SH3GL2: variants seen among roughly 807,000 people sequenced by gnomAD.
SH3GL2 encodes the protein SH3 domain containing GRB2 like 2, endophilin A1.
A neutral mutation model predicts 46.0 loss-of-function variants in SH3GL2; 24 were observed. That is an observed-to-expected ratio of 0.52 (90% CI 0.38 to 0.73). The LOEUF is 0.73. SH3GL2 is among the 30% of genes least tolerant of loss of function. The pLI is 0.00. For synonymous variants in SH3GL2, 196 were observed against 147.1 expected, an observed-to-expected ratio of 1.33 and a Z score of -2.40; for missense variants, 413 against 424.2, an observed-to-expected ratio of 0.97 and a Z score of 0.23.
intron 2 of SH3GL2, among the ~76,000 whole-genome samples, chr9:17,749,214 A>G (rs1822777018): frequency 6.6e-6 from 1 of 152,182 alleles, no homozygotes; most frequent in Admixed American, 6.5e-5. Flanking sequence ...TCCTCAACCA[A>G]AGCTGGTAGC....
At chr9:17,756,028 T>C (rs191089192) in intron 2 of SH3GL2, among the ~76,000 whole-genome samples, 1 of 152,104 alleles carries the variant, frequency 6.6e-6, no homozygotes, top group East Asian at 1.9e-4. Context: ...GTGCTTTAGG[T>C]TTTTGGGGCC....
At chr9:17,759,827 A>G (rs899430632) in intron 2 of SH3GL2, among the ~76,000 whole-genome samples, 8 of 152,198 alleles carry the variant, frequency 5.3e-5, no homozygotes, top group Non-Finnish European at 8.8e-5. Context: ...TCTCATCATA[A>G]CTACAGGATA....
At chr9:17,736,351 C>T (rs2118457245) in intron 1 of SH3GL2, among the ~76,000 whole-genome samples, 1 of 152,090 alleles carries the variant, frequency 6.6e-6, no homozygotes, top group South Asian at 2.1e-4. Context: ...TATTTTTGGT[C>T]CTAATTTGTC....
intron 1 of SH3GL2, among the ~76,000 whole-genome samples, chr9:17,716,248 C>T (rs1210915060): frequency 6.6e-6 from 1 of 152,006 alleles, no homozygotes; most frequent in Non-Finnish European, 1.5e-5. Flanking sequence ...GCCTAATAAT[C>T]TTTAGTTGTA....
At chr9:17,607,401 A>G (rs914527901) in intron 1 of SH3GL2, among the ~76,000 whole-genome samples, 8 of 152,234 alleles carry the variant, frequency 5.3e-5, no homozygotes, top group African/African-American at 1.9e-4. Flanking sequence ...ATAACTGTAC[A>G]GGGCACTTTC....
intron 1 of SH3GL2, among the ~76,000 whole-genome samples, chr9:17,739,737 G>C (rs1588290307): frequency 6.6e-6 from 1 of 152,158 alleles, no homozygotes; most frequent in South Asian, 2.1e-4. Flanking sequence ...TTCCAGGAAG[G>C]AGCTGAAAGC....
At position 17,628,413 on chromosome 9, in the gene SH3GL2, T is replaced by TGTGG. The variant is rs1819336841; in HGVS notation, c.45+49129_45+49130insGGTG. Among the ~76,000 whole-genome samples the TGTGG allele has an allele frequency of 2.6e-4, 6 of 23,450 alleles. No homozygotes were observed. In the South Asian group the frequency reaches 0.01, roughly 41 times the overall value. 15.4% of individuals were successfully genotyped at this position (23,450 alleles called of 152,430 possible). A position where few individuals can be genotyped will look rare whatever the true frequency, so the allele number is the denominator to read the frequency against. Reference sequence around the variant, plus strand: ...GATGCCCAGATAACTATATCTTGGGTGTGTGTGTGTGTGTGTGTGTGTGTG... The same window carrying TGTGG: ...GATGCCCAGATAACTATATCTTGGGTGTGGGTGTGTGTGTGTGTGTGTGTGTGTG... On this transcript the variant is annotated intron_variant, in intron 1 of 8. Transcript: ENST00000380607.
At position 17,765,169 on chromosome 9, in the gene SH3GL2, G is replaced by T. The variant is rs1282713006; in HGVS notation, c.187+3660G>T. ...GTACATGGACAGGCCAGGGCAATCA[G>T]TAGGATTTGATGCTTCGAGGGTACT... On this transcript the variant is annotated intron_variant, in intron 3 of 8. Transcript: ENST00000380607. Among the ~76,000 whole-genome samples, 7 of 68,622 alleles carry T rather than the reference G, an allele frequency of 1.0e-4. 1 individual carries two copies. In the Admixed American group the frequency reaches 1.0e-3, roughly 10 times the overall value. The allele number at this position is 68,622 out of a possible 152,430, so 45.0% of individuals were successfully genotyped here.
intron 1 of SH3GL2, among the ~76,000 whole-genome samples, chr9:17,584,096 A>T (rs1413903414): frequency 6.6e-6 from 1 of 152,154 alleles, no homozygotes. Context: ...TATATATTTT[A>T]TAAAATTATA....
At chr9:17,772,614 C>A (rs1361953118) in intron 3 of SH3GL2, among the ~76,000 whole-genome samples, 1 of 152,138 alleles carries the variant, frequency 6.6e-6, no homozygotes, top group Non-Finnish European at 1.5e-5. Context: ...TTTGTGACGG[C>A]TTTATTTCAC....
At chr9:17,671,960 G>A (rs934576387) in intron 1 of SH3GL2, among the ~76,000 whole-genome samples, 4 of 152,090 alleles carry the variant, frequency 2.6e-5, no homozygotes, top group Non-Finnish European at 5.9e-5. Context: ...CTTGACAAAT[G>A]AAACCATACC....
chr9:17,641,587 C>T (rs1819683611), intron 1 of SH3GL2, among the ~76,000 whole-genome samples: 1 of 152,108 alleles, frequency 6.6e-6, no homozygotes, highest in Non-Finnish European at 1.5e-5. Flanking sequence ...CTATCCCTTC[C>T]CTTGCCCCAC....
intron 1 of SH3GL2, among the ~76,000 whole-genome samples, chr9:17,663,193 G>A (rs1820265256): frequency 6.6e-6 from 1 of 152,158 alleles, no homozygotes; most frequent in African/African-American, 2.4e-5. Context: ...AAATGTGTCT[G>A]TTTTAAATAA....
At chr9:17,761,921 G>C (rs183616827) in intron 3 of SH3GL2, among the ~76,000 whole-genome samples, 82 of 152,280 alleles carry the variant, frequency 5.4e-4, no homozygotes, top group African/African-American at 1.9e-3. Flanking sequence ...ATGAAACACA[G>C]AGGGTTTCTT....
intron 1 of SH3GL2, among the ~76,000 whole-genome samples, chr9:17,732,636 T>C (rs1822215471): frequency 6.6e-6 from 1 of 152,090 alleles, no homozygotes; most frequent in South Asian, 2.1e-4. Flanking sequence ...TTTGGAAGTC[T>C]TCATGGGGAA....
intron 1 of SH3GL2, among the ~76,000 whole-genome samples, chr9:17,737,167 A>C (rs1822361161): frequency 1.3e-5 from 2 of 151,992 alleles, no homozygotes; most frequent in Admixed American, 6.6e-5. Flanking sequence ...ACACATGGAC[A>C]CAGAGAGGGG....
intron 1 of SH3GL2, among the ~76,000 whole-genome samples, chr9:17,673,888 A>G (rs145706849): frequency 6.6e-6 from 1 of 152,216 alleles, no homozygotes; most frequent in African/African-American, 2.4e-5. Flanking sequence ...GATTATGTCA[A>G]TTGACTCTAC....
At chr9:17,760,822 G>A (rs1212723844) in intron 2 of SH3GL2, among the ~76,000 whole-genome samples, 1 of 152,052 alleles carries the variant, frequency 6.6e-6, no homozygotes, top group African/African-American at 2.4e-5. Flanking sequence ...TGGGGAGAGG[G>A]GCCTGACAAA....
chr9:17,784,593 T>A (rs1247317739), intron 3 of SH3GL2, among the ~76,000 whole-genome samples: 3 of 152,214 alleles, frequency 2.0e-5, no homozygotes, highest in Non-Finnish European at 4.4e-5. Context: ...TTGTTGCCAC[T>A]GTTTATCTTA....
Sources: gnomAD v4.1 joint callset for allele counts (sites outside exome capture counted in the v4.1 genomes callset) on GRCh38, gnomAD v4.1.1 for gene constraint, MANE v1.5 for transcripts, NCBI Gene and HGNC (gene_info 2026-07-23, HGNC 2026-07-21) for gene names.